FAM193A: variants seen among roughly 807,000 people sequenced by gnomAD.
The protein encoded by FAM193A is protein FAM193A.
In FAM193A, 22 loss-of-function variants were observed where a neutral mutation model predicts 126.5. The observed-to-expected ratio is 0.17, with a 90% CI of 0.12 to 0.25. The LOEUF (loss-of-function observed/expected upper bound fraction) is 0.25, where lower values mean the gene tolerates loss of function less well. Among genes scored for constraint, FAM193A ranks in the 10% least tolerant of loss-of-function variants. The probability of loss-of-function intolerance (pLI) is 1.00; values close to 1 mark genes in which losing one functional copy is unlikely to be tolerated. For missense variants in FAM193A, 1,675 were observed against 1,672.8 expected (o/e 1.00, Z -0.02); for synonymous variants, 761 against 646.8 (o/e 1.18, Z -2.68).
In FAM193A at chr4:2,622,280, A is replaced by C. The variant is rs919144919; in HGVS notation, c.502-2982A>C. Among the ~76,000 whole-genome samples the C allele has an allele frequency of 2.1e-4, 32 of 150,892 alleles. No individual in the cohort carries two copies. The South Asian group carries it at 6.7e-3, about 32-fold the overall frequency. On this transcript the variant is annotated intron_variant, in intron 2 of 20. Transcript: ENST00000637812. ...TCCAAAAAAAAAAAAAAAAAAAAAAAAAACCTAAATGTCTCATCTAATTAA... is the reference window on the plus strand; with the variant it reads ...TCCAAAAAAAAAAAAAAAAAAAAAACAAACCTAAATGTCTCATCTAATTAA...
chr4:2,573,293 A>G (rs1336365265), intron 1 of FAM193A, among the ~76,000 whole-genome samples: 2 of 151,868 alleles, frequency 1.3e-5, no homozygotes, highest in Non-Finnish European at 2.9e-5. Context: ...CTGGCAGATC[A>G]CCTGAGGTCA....
At chr4:2,687,671 T>G (rs1462709645) in intron 13 of FAM193A, among the ~76,000 whole-genome samples, 1 of 152,196 alleles carries the variant, frequency 6.6e-6, no homozygotes, top group African/African-American at 2.4e-5. Context: ...GCTTCATCCT[T>G]TCTCATCCCC....
intron 2 of FAM193A, among the ~76,000 whole-genome samples, chr4:2,623,534 T>TA (rs1742683330): frequency 6.6e-6 from 1 of 152,234 alleles, no homozygotes; most frequent in African/African-American, 2.4e-5. Context: ...TGCAGGGTCT[T>TA]ACCTGCAAGG....
chr4:2,651,003 G>T (rs1187855020), intron 7 of FAM193A, among the ~76,000 whole-genome samples: 1 of 152,060 alleles, frequency 6.6e-6, no homozygotes, highest in Non-Finnish European at 1.5e-5. Context: ...GACCTGGAGG[G>T]GTGTGTGTAT....
chr4:2,672,273 T>C lies in FAM193A; in HGVS notation c.2232T>C (p.Pro744=). ...KPTHPALHLY[P]HIHGHVPLHT... is the part of the protein sequence containing the mutation. ...CACACCCTGCACTGCACCTTTACCC[T>C]CACATCCATGGACATGTGCCTTTGC... Residue 744 remains proline, a synonymous_variant, in exon 13 of 21, where the codon CCT becomes CCC. Transcript: ENST00000637812. 2 of 1,614,124 alleles carry C rather than the reference T, an allele frequency of 1.2e-6. No homozygotes were observed. Among genetic ancestry groups the C allele is most frequent in the Non-Finnish European group, 1.7e-6 (2 of 1,180,012 alleles).
At chr4:2,660,595 CA>C (rs905174663) in intron 10 of FAM193A, among the ~76,000 whole-genome samples, 4 of 152,188 alleles carry the variant, frequency 2.6e-5, no homozygotes, top group African/African-American at 9.7e-5. Context: ...TGCTAATTTC[CA>C]AAAGGGTTGC....
At chr4:2,702,969 CT>C (rs896625061) in intron 19 of FAM193A, among the ~76,000 whole-genome samples, 18 of 151,362 alleles carry the variant, frequency 1.2e-4, no homozygotes, top group East Asian at 7.8e-4. Context: ...CCCAGTTCCT[CT>C]TTTTTTTTAA....
chr4:2,659,750 A>G, intron 9 of FAM193A, 62 bp from the exon 10 acceptor site: 3 of 1,613,614 alleles, frequency 1.9e-6, no homozygotes, highest in Admixed American at 1.7e-5. Flanking sequence ...ACCGACCCTT[A>G]GAGAGCATGG....
chr4:2,536,328 C>T (rs968119500), upstream of FAM193A, among the ~76,000 whole-genome samples: 2 of 151,632 alleles, frequency 1.3e-5, no homozygotes, highest in African/African-American at 4.8e-5. Flanking sequence ...GGACCTGCGG[C>T]GACGAGCGAG....
At chr4:2,717,840 G>C (rs1467602001) in intron 20 of FAM193A, among the ~76,000 whole-genome samples, 1 of 150,918 alleles carries the variant, frequency 6.6e-6, no homozygotes, top group Non-Finnish European at 1.5e-5. Context: ...TTTTAGTAGA[G>C]ACGAGGTTTC....
At chr4:2,629,062 C>T (rs1414728300) in intron 4 of FAM193A, among the ~76,000 whole-genome samples, 1 of 151,978 alleles carries the variant, frequency 6.6e-6, no homozygotes, top group East Asian at 1.9e-4. Context: ...CCGTGTTAGC[C>T]AGGATGGTCT....
intron 1 of FAM193A, among the ~76,000 whole-genome samples, chr4:2,559,682 C>G (rs1433247242): frequency 6.6e-6 from 1 of 152,208 alleles, no homozygotes; most frequent in African/African-American, 2.4e-5. Flanking sequence ...GCTTCCTCCT[C>G]CCTCTGGATG....
chr4:2,710,161 GTTTTTTTTTTTTTTTCT>G (rs1353124868), intron 19 of FAM193A, among the ~76,000 whole-genome samples: 12 of 91,822 alleles, frequency 1.3e-4, no homozygotes, highest in Non-Finnish European at 2.3e-4. Flanking sequence ...TTCTTCTTTT[GTTTTTTTTTTTTTTTCT>G]TTTTTTTTTT....
chr4:2,696,296 G>A, intron 17 of FAM193A, 67 bp from the exon 18 acceptor site: 4 of 1,000,544 alleles, frequency 4.0e-6, no homozygotes, highest in Admixed American at 2.2e-5. Flanking sequence ...ATTTTTGGAG[G>A]TGTGGTCTGA....
At chr4:2,717,561 A>G (rs1187725278) in intron 20 of FAM193A, among the ~76,000 whole-genome samples, 1 of 146,082 alleles carries the variant, frequency 6.8e-6, no homozygotes, top group East Asian at 2.0e-4. Flanking sequence ...GCACCATTGC[A>G]CTCCAGCCTG....
At chr4:2,644,668 C>G (rs1744954727) in intron 6 of FAM193A, among the ~76,000 whole-genome samples, 1 of 152,088 alleles carries the variant, frequency 6.6e-6, no homozygotes, top group Non-Finnish European at 1.5e-5. Context: ...TGCTGCCTTC[C>G]CTGGAGAGAC....
chr4:2,554,147 C>T (rs1036323887), intron 1 of FAM193A, among the ~76,000 whole-genome samples: 17 of 152,088 alleles, frequency 1.1e-4, no homozygotes, highest in Non-Finnish European at 1.9e-4. Context: ...TGCAGTGGCA[C>T]GATCTCGGCT....
intron 13 of FAM193A, among the ~76,000 whole-genome samples, chr4:2,685,424 A>T (rs1210877118): frequency 1.3e-5 from 2 of 152,230 alleles, no homozygotes; most frequent in African/African-American, 4.8e-5. Context: ...CTATGTGGAT[A>T]ATAGGGTCAT....
At chr4:2,578,921 C>T (rs115514269) in intron 1 of FAM193A, among the ~76,000 whole-genome samples, 4,358 of 151,916 alleles carry the variant, frequency 0.029, 223 homozygotes, top group African/African-American at 0.099. Flanking sequence ...CTTGCTGTTT[C>T]AGGGGTGTCA....
Sources: gnomAD v4.1 joint callset for allele counts (sites outside exome capture counted in the v4.1 genomes callset) on GRCh38, gnomAD v4.1.1 for gene constraint, MANE v1.5 for transcripts, NCBI Gene and HGNC (gene_info 2026-07-23, HGNC 2026-07-21) for gene names.